SPON1: variants seen among roughly 807,000 people sequenced by gnomAD.
SPON1 encodes the protein spondin-1.
SPON1 carries 52 observed loss-of-function variants against 111.7 expected under a neutral mutation model. The ratio of observed to expected loss-of-function variants is 0.47; its 90% CI spans 0.37 to 0.59. SPON1 has a LOEUF of 0.59. SPON1 is among the 20% of genes least tolerant of loss of function. SPON1 has a pLI of 0.00. For synonymous variants in SPON1, 410 were observed against 395.8 expected (o/e 1.04, Z -0.43); for missense variants, 957 against 1,068.5 (o/e 0.90, Z 1.46).
chr11:14,047,784 T>C (rs560291992), intron 3 of SPON1, among the ~76,000 whole-genome samples: 3 of 152,310 alleles, frequency 2.0e-5, no homozygotes, highest in African/African-American at 7.2e-5. Flanking sequence ...AGACAGACCT[T>C]TCAAGATTAA....
At chr11:14,085,473 T>C (rs1028577902) in intron 5 of SPON1, among the ~76,000 whole-genome samples, 24 of 152,324 alleles carry the variant, frequency 1.6e-4, no homozygotes, top group African/African-American at 5.5e-4. Context: ...TGTGGTGTTA[T>C]TTCTGAGGCC....
intron 5 of SPON1, among the ~76,000 whole-genome samples, chr11:14,093,418 AG>A (rs1270234911): frequency 6.6e-6 from 1 of 152,236 alleles, no homozygotes; most frequent in Non-Finnish European, 1.5e-5. Flanking sequence ...CCTATCCCAT[AG>A]AGACCCTTTA....
At chr11:14,098,247 C>T (rs375643728) in intron 5 of SPON1, among the ~76,000 whole-genome samples, 14 of 152,328 alleles carry the variant, frequency 9.2e-5, no homozygotes, top group African/African-American at 3.1e-4. Flanking sequence ...CCGCCTGCCT[C>T]GGCCTCCCAA....
At chr11:14,132,249 G>A (rs1847537150) in intron 5 of SPON1, among the ~76,000 whole-genome samples, 1 of 151,668 alleles carries the variant, frequency 6.6e-6, no homozygotes, top group Non-Finnish European at 1.5e-5. Flanking sequence ...CTACACTCTA[G>A]CCCAGGCAAC....
chr11:14,225,611 G>A (rs1314878124), intron 6 of SPON1, among the ~76,000 whole-genome samples: 3 of 152,184 alleles, frequency 2.0e-5, no homozygotes, highest in Non-Finnish European at 4.4e-5. Flanking sequence ...TATTGTTACA[G>A]CTTCAGGCAT....
chr11:14,163,719 A>G (rs1554931628), intron 6 of SPON1, among the ~76,000 whole-genome samples: 1 of 152,120 alleles, frequency 6.6e-6, no homozygotes, highest in Non-Finnish European at 1.5e-5. Flanking sequence ...GAAACTTACT[A>G]CATTCTTGGA....
At chr11:14,105,961 A>G (rs137865476) in intron 5 of SPON1, among the ~76,000 whole-genome samples, 34 of 152,310 alleles carry the variant, frequency 2.2e-4, no homozygotes, top group African/African-American at 7.2e-4. Context: ...AAGTTAATTT[A>G]TTGATAACTT....
intron 6 of SPON1, among the ~76,000 whole-genome samples, chr11:14,194,528 T>TCACACACACACACACA (rs372569370): frequency 6.6e-4 from 71 of 106,894 alleles, no homozygotes; most frequent in Middle Eastern, 9.9e-3. Flanking sequence ...TAGGCCTACT[T>TCACACACACACACACA]CACACACACA....
intron 3 of SPON1, among the ~76,000 whole-genome samples, chr11:14,066,853 T>C (rs145862943): frequency 1.4e-4 from 21 of 152,228 alleles, no homozygotes; most frequent in African/African-American, 4.6e-4. Flanking sequence ...TCTCTTCTGA[T>C]GAAGGGCATC....
At chr11:14,007,758 G>T (rs971855400) in intron 2 of SPON1, among the ~76,000 whole-genome samples, 5 of 152,164 alleles carry the variant, frequency 3.3e-5, no homozygotes, top group Admixed American at 1.3e-4. Flanking sequence ...ACAGGCCACA[G>T]ACTGGGGGCT....
chr11:14,165,859 T>G, intron 6 of SPON1, among the ~76,000 whole-genome samples: 1 of 152,228 alleles, frequency 6.6e-6, no homozygotes, highest in East Asian at 1.9e-4. Context: ...TAATTATTTT[T>G]CACTTAGGCT....
At chr11:14,103,347 T>A (rs1156733752) in intron 5 of SPON1, among the ~76,000 whole-genome samples, 1 of 152,186 alleles carries the variant, frequency 6.6e-6, no homozygotes, top group Non-Finnish European at 1.5e-5. Context: ...TCCCTGTCTC[T>A]CCTGAGAGGG....
chr11:14,263,135 G>A, intron 15 of SPON1, 160 bp downstream of exon 15: 1 of 732,550 alleles, frequency 1.4e-6, no homozygotes, highest in Non-Finnish European at 2.1e-6. Flanking sequence ...TTAGATCCAA[G>A]TTTGTTCCCA....
At chr11:14,242,084 C>A (rs1444721107) in intron 6 of SPON1, among the ~76,000 whole-genome samples, 3 of 152,136 alleles carry the variant, frequency 2.0e-5, no homozygotes, top group Non-Finnish European at 4.4e-5. Flanking sequence ...CACCACCACC[C>A]AGCAGCCCCT....
At chr11:14,210,373 C>CT (rs79378171) in intron 6 of SPON1, among the ~76,000 whole-genome samples, 2,079 of 133,616 alleles carry the variant, frequency 0.016, 30 homozygotes, top group African/African-American at 0.044. Context: ...TTTCTTTTTC[C>CT]TTTTTTTTTT....
At chr11:14,160,472 TATATATATTTATATATATATATTTAC>T (rs1564918937) in intron 6 of SPON1, among the ~76,000 whole-genome samples, 2,377 of 12,492 alleles carry the variant, frequency 0.19, 684 homozygotes, top group Non-Finnish European at 0.24. Flanking sequence ...TATATATTTA[TATATATATTTATATATATATATTTAC>T]ATATATATAT....
chr11:14,006,786 C>T (rs1848365260), intron 2 of SPON1, among the ~76,000 whole-genome samples: 1 of 152,208 alleles, frequency 6.6e-6, no homozygotes, highest in Non-Finnish European at 1.5e-5. Flanking sequence ...TTTGTGCTTA[C>T]ACCTGAGCCC....
At chr11:14,264,438 G>A (rs1334089077) in intron 15 of SPON1, among the ~76,000 whole-genome samples, 3 of 152,210 alleles carry the variant, frequency 2.0e-5, no homozygotes, top group East Asian at 3.8e-4. Flanking sequence ...GCCTGCCAGG[G>A]ACTTCAGTGC....
intron 6 of SPON1, among the ~76,000 whole-genome samples, chr11:14,237,218 T>C (rs1848878090): frequency 6.6e-6 from 1 of 152,164 alleles, no homozygotes; most frequent in Non-Finnish European, 1.5e-5. Context: ...GGATGGATAT[T>C]TTTTGTGCAT....
Sources: allele counts gnomAD v4.1 joint callset (sites outside exome capture counted in the v4.1 genomes callset), GRCh38; gene constraint gnomAD v4.1.1; transcripts MANE v1.5; gene names NCBI Gene and HGNC (gene_info 2026-07-23, HGNC 2026-07-21).